LUZP2: variants seen among roughly 807,000 people sequenced by gnomAD.
The protein encoded by LUZP2 is leucine zipper protein 2.
A neutral mutation model predicts 51.6 loss-of-function variants in LUZP2; 52 were observed. The observed-to-expected ratio is 1.01, with a 90% CI of 0.81 to 1.27. LUZP2 has a LOEUF of 1.27. Among genes scored for constraint, LUZP2 ranks in the 50% most tolerant of loss-of-function variants. LUZP2 has a pLI of 0.00. For synonymous variants in LUZP2, 154 were observed against 137.3 expected, an observed-to-expected ratio of 1.12 and a Z score of -0.85; for missense variants, 436 against 395.4, an observed-to-expected ratio of 1.10 and a Z score of -0.87.
intron 5 of LUZP2, among the ~76,000 whole-genome samples, chr11:24,842,302 A>G (rs973532295): frequency 6.7e-6 from 1 of 150,122 alleles, no homozygotes; most frequent in Non-Finnish European, 1.5e-5. Flanking sequence ...AATAATTTGT[A>G]TAGTAAATTA....
chr11:24,788,027 A>G (rs1849296969), intron 5 of LUZP2, among the ~76,000 whole-genome samples: 1 of 152,058 alleles, frequency 6.6e-6, no homozygotes, highest in South Asian at 2.1e-4. Context: ...GGCTTGTGAA[A>G]CTCAGATAAA....
intron 5 of LUZP2, among the ~76,000 whole-genome samples, chr11:24,883,968 T>A (rs1388284984): frequency 6.6e-6 from 1 of 152,036 alleles, no homozygotes; most frequent in African/African-American, 2.4e-5. Context: ...GTTTCTAGAA[T>A]GAAGTGGCTT....
chr11:24,834,635 G>A (rs1217481214), intron 5 of LUZP2, among the ~76,000 whole-genome samples: 1 of 152,176 alleles, frequency 6.6e-6, no homozygotes, highest in African/African-American at 2.4e-5. Context: ...GGGTCAAATG[G>A]TATTTCTGGT....
intron 4 of LUZP2, among the ~76,000 whole-genome samples, chr11:24,747,886 G>A (rs947007785): frequency 1.3e-5 from 2 of 152,018 alleles, no homozygotes; most frequent in South Asian, 2.1e-4. Flanking sequence ...AATCTGAAGG[G>A]CTGGTCTCAC....
intron 5 of LUZP2, among the ~76,000 whole-genome samples, chr11:24,811,351 C>G (rs1318054132): frequency 2.0e-5 from 3 of 152,164 alleles, no homozygotes; most frequent in Admixed American, 2.0e-4. Context: ...TAATCCCCCC[C>G]TTAATAGCCT....
intron 1 of LUZP2, among the ~76,000 whole-genome samples, chr11:24,585,740 A>T (rs1483498288): frequency 6.6e-6 from 1 of 152,118 alleles, no homozygotes; most frequent in Non-Finnish European, 1.5e-5. Context: ...ACATACAGGT[A>T]AGGGGAGAAC....
intron 5 of LUZP2, among the ~76,000 whole-genome samples, chr11:24,879,238 C>A (rs532240548): frequency 1.3e-5 from 2 of 152,224 alleles, no homozygotes; most frequent in South Asian, 4.1e-4. Flanking sequence ...GGCACCCTGC[C>A]CAGCTGATCT....
chr11:24,703,568 A>G (rs887112416), intron 1 of LUZP2, among the ~76,000 whole-genome samples: 2 of 152,126 alleles, frequency 1.3e-5, no homozygotes, highest in Non-Finnish European at 2.9e-5. Flanking sequence ...CATGCCTGTA[A>G]TCCCAGTACT....
At position 24,681,112 on chromosome 11, in the gene LUZP2, G is replaced by C. The variant is rs1016684757; in HGVS notation, c.63-48057G>C. ...TTCTCCTGCCTCAGCCTCCCGAGTA[G>C]TTGGGACTACAGGCGCCCGCCACCG... is the stretch of plus-strand genomic sequence containing the variant. On this transcript the variant is annotated intron_variant, in intron 1 of 11. Coordinates refer to ENST00000336930, the MANE Select transcript of LUZP2 (RefSeq NM_001009909.4). Among the ~76,000 whole-genome samples the C allele has an allele frequency of 5.9e-5, 9 of 152,032 alleles. No homozygotes were observed. The East Asian group carries it at 1.6e-3, about 26-fold the overall frequency.
At chr11:24,512,669 A>T (rs754906946) in intron 1 of LUZP2, among the ~76,000 whole-genome samples, 1 of 152,076 alleles carries the variant, frequency 6.6e-6, no homozygotes, top group East Asian at 1.9e-4. Context: ...ACGAAGTTCA[A>T]CGTTACTTTT....
chr11:24,899,108 A>AC (rs1853186561), intron 5 of LUZP2, among the ~76,000 whole-genome samples: 1 of 152,154 alleles, frequency 6.6e-6, no homozygotes, highest in Admixed American at 6.5e-5. Flanking sequence ...ATGATTGAAA[A>AC]ATTTAGAAAT....
At chr11:24,916,483 C>G (rs371333550) in intron 7 of LUZP2, among the ~76,000 whole-genome samples, 8 of 151,982 alleles carry the variant, frequency 5.3e-5, no homozygotes, top group African/African-American at 1.4e-4. Flanking sequence ...ATCCCTCCCC[C>G]CTCCTGCCAC....
At chr11:25,063,591 T>C (rs1472704637) in intron 10 of LUZP2, among the ~76,000 whole-genome samples, 1 of 151,906 alleles carries the variant, frequency 6.6e-6, no homozygotes, top group Non-Finnish European at 1.5e-5. Flanking sequence ...TTATATTTTG[T>C]GTAATTTGAT....
At chr11:24,616,309 T>A (rs1854284513) in intron 1 of LUZP2, among the ~76,000 whole-genome samples, 1 of 152,118 alleles carries the variant, frequency 6.6e-6, no homozygotes. Context: ...TTTTCCCCTA[T>A]GTTTTCGTTT....
At chr11:24,519,792 T>TA (rs1002769122) in intron 1 of LUZP2, among the ~76,000 whole-genome samples, 2 of 152,328 alleles carry the variant, frequency 1.3e-5, no homozygotes, top group Non-Finnish European at 2.9e-5. Flanking sequence ...GCATCTTTTT[T>TA]AAAAAAGGCT....
At chr11:24,870,828 A>G (rs1191556670) in intron 5 of LUZP2, among the ~76,000 whole-genome samples, 1 of 152,102 alleles carries the variant, frequency 6.6e-6, no homozygotes, top group Non-Finnish European at 1.5e-5. Flanking sequence ...TCGTTGTAAG[A>G]AGTCCAGTAG....
At chr11:25,018,869 T>A (rs12573880) in intron 9 of LUZP2, among the ~76,000 whole-genome samples, 88,918 of 151,974 alleles carry the variant, frequency 0.59, 27,242 homozygotes, top group African/African-American at 0.77. Context: ...CAGTCGCCCA[T>A]AGTGCTGGGA....
chr11:24,681,113 T>C lies in LUZP2; in HGVS notation c.63-48056T>C, dbSNP rs376593776. 3.1e-3 allele frequency among the ~76,000 whole-genome samples: 477 copies of C among 151,968 alleles called. 3 individuals carry two copies. In the East Asian group the frequency reaches 0.046, roughly 15 times the overall value. ...TCTCCTGCCTCAGCCTCCCGAGTAG[T>C]TGGGACTACAGGCGCCCGCCACCGC... On this transcript the variant is annotated intron_variant, in intron 1 of 11. Coordinates refer to ENST00000336930, the MANE Select transcript of LUZP2 (RefSeq NM_001009909.4).
At chr11:25,047,596 C>G (rs1196369863) in intron 9 of LUZP2, among the ~76,000 whole-genome samples, 1 of 119,806 alleles carries the variant, frequency 8.3e-6, no homozygotes, top group Non-Finnish European at 1.9e-5. Context: ...GGCATAGATT[C>G]TAACCCTTGT....
Sources: gnomAD v4.1 joint callset for allele counts (sites outside exome capture counted in the v4.1 genomes callset) on GRCh38, gnomAD v4.1.1 for gene constraint, MANE v1.5 for transcripts, NCBI Gene and HGNC (gene_info 2026-07-23, HGNC 2026-07-21) for gene names.